Variants in ROR1 observed in about 807,000 individuals in gnomAD.
ROR1 encodes the protein inactive tyrosine-protein kinase transmembrane receptor ROR1.
A neutral mutation model predicts 78.8 loss-of-function variants in ROR1; 19 were observed. That is an observed-to-expected ratio of 0.24 (90% CI 0.17 to 0.35). ROR1 has a LOEUF of 0.35. Ranked by LOEUF, ROR1 falls within the 10% of genes least tolerant of loss-of-function variation. ROR1 has a pLI of 1.00. For missense variants in ROR1, 917 were observed against 1,177.8 expected (o/e 0.78, Z 3.24); for synonymous variants, 386 against 433.6 (o/e 0.89, Z 1.36).
intron 1 of ROR1, among the ~76,000 whole-genome samples, chr1:63,988,783 A>C (rs139507108): frequency 1.6e-4 from 25 of 152,354 alleles, no homozygotes; most frequent in African/African-American, 6.0e-4. Flanking sequence ...ATAATTGTCA[A>C]GATTCATCCA....
At chr1:63,787,652 GAGT>G (rs1174838694) in intron 1 of ROR1, among the ~76,000 whole-genome samples, 1 of 151,686 alleles carries the variant, frequency 6.6e-6, no homozygotes, top group Non-Finnish European at 1.5e-5. Flanking sequence ...TCAGCCTCCT[GAGT>G]AGCTGGAATT....
At chr1:63,953,891 G>T (rs978098536) in intron 1 of ROR1, among the ~76,000 whole-genome samples, 2 of 152,174 alleles carry the variant, frequency 1.3e-5, no homozygotes, top group African/African-American at 4.8e-5. Flanking sequence ...GGAACTAGAT[G>T]CCCAAACAAG....
chr1:63,946,374 CAGTTTTGTGTCTGCTT>C (rs1214290121), intron 1 of ROR1, among the ~76,000 whole-genome samples: 1 of 152,182 alleles, frequency 6.6e-6, no homozygotes, highest in South Asian at 2.1e-4. Context: ...TCTGTTTAAC[CAGTTTTGTGTCTGCTT>C]AATTTATGCT....
chr1:64,061,800 A>AT (rs1166265245), intron 4 of ROR1, among the ~76,000 whole-genome samples: 1 of 151,752 alleles, frequency 6.6e-6, no homozygotes, highest in Non-Finnish European at 1.5e-5. Context: ...GTCTTTTATG[A>AT]TTTTTTTTCT....
At chr1:63,834,474 G>A (rs559420625) in intron 1 of ROR1, among the ~76,000 whole-genome samples, 4 of 152,298 alleles carry the variant, frequency 2.6e-5, no homozygotes, top group Admixed American at 6.5e-5. Flanking sequence ...GAGGGGTACT[G>A]CTGTTTACAT....
intron 1 of ROR1, among the ~76,000 whole-genome samples, chr1:63,846,490 A>G (rs879884473): frequency 2.0e-5 from 3 of 152,146 alleles, no homozygotes; most frequent in Non-Finnish European, 4.4e-5. Context: ...CGTGTTGGCA[A>G]GTGGGCAGAT....
chr1:64,040,785 G>C (rs1242393073), intron 2 of ROR1, among the ~76,000 whole-genome samples: 1 of 152,104 alleles, frequency 6.6e-6, no homozygotes, highest in Non-Finnish European at 1.5e-5. Context: ...CACTTCCCAA[G>C]GCCCCACCTC....
At chr1:64,171,492 A>G (rs1193170411) in intron 8 of ROR1, among the ~76,000 whole-genome samples, 2 of 152,176 alleles carry the variant, frequency 1.3e-5, no homozygotes, top group Non-Finnish European at 2.9e-5. Context: ...GGCAAGCACA[A>G]ATGCCATGTG....
intron 1 of ROR1, among the ~76,000 whole-genome samples, chr1:63,972,273 C>T (rs1309404572): frequency 6.6e-6 from 1 of 152,164 alleles, no homozygotes; most frequent in Non-Finnish European, 1.5e-5. Flanking sequence ...GTAGCATTTT[C>T]ATCCTCACTT....
intron 4 of ROR1, chr1:64,106,043 G>A (rs906033905): frequency 2.6e-5 from 4 of 151,900 alleles, no homozygotes; most frequent in African/African-American, 4.8e-5. Flanking sequence ...TATAAATTAC[G>A]TTGGACAGTA....
At chr1:63,850,116 G>T (rs1052737640) in intron 1 of ROR1, among the ~76,000 whole-genome samples, 2 of 152,116 alleles carry the variant, frequency 1.3e-5, no homozygotes, top group Non-Finnish European at 2.9e-5. Context: ...TTAAAATTGT[G>T]TATAAATGGG....
chr1:63,943,619 C>T (rs559692852), intron 1 of ROR1, among the ~76,000 whole-genome samples: 1 of 152,332 alleles, frequency 6.6e-6, no homozygotes, highest in South Asian at 2.1e-4. Flanking sequence ...TCTGTCTCTG[C>T]AGGCTGGAGG....
chr1:64,089,905 C>T (rs1376227948), intron 4 of ROR1, among the ~76,000 whole-genome samples: 2 of 152,018 alleles, frequency 1.3e-5, no homozygotes, highest in Admixed American at 6.6e-5. Context: ...ATACTGTTCT[C>T]GTCATAATGA....
At chr1:63,937,612 G>A (rs1006650131) in intron 1 of ROR1, among the ~76,000 whole-genome samples, 6 of 152,180 alleles carry the variant, frequency 3.9e-5, no homozygotes, top group Non-Finnish European at 7.3e-5. Flanking sequence ...CTGGCTCAGA[G>A]AAGTGAGTGG....
intron 1 of ROR1, among the ~76,000 whole-genome samples, chr1:63,964,190 G>A (rs887284910): frequency 2.6e-5 from 4 of 152,166 alleles, no homozygotes; most frequent in Non-Finnish European, 5.9e-5. Flanking sequence ...AGCCACCTAA[G>A]TCTTCTGACA....
At chr1:63,832,579 T>G (rs1013717034) in intron 1 of ROR1, among the ~76,000 whole-genome samples, 3 of 152,214 alleles carry the variant, frequency 2.0e-5, no homozygotes, top group Non-Finnish European at 4.4e-5. Context: ...TCCCTGAACC[T>G]CTGTTTCCTT....
At chr1:63,988,251 T>C (rs1031185441) in intron 1 of ROR1, among the ~76,000 whole-genome samples, 1 of 152,210 alleles carries the variant, frequency 6.6e-6, no homozygotes, top group African/African-American at 2.4e-5. Context: ...AAAGGTAGTC[T>C]GTATTTTTAT....
At chr1:64,136,948 G>A (rs890030675) in intron 4 of ROR1, among the ~76,000 whole-genome samples, 4 of 152,014 alleles carry the variant, frequency 2.6e-5, no homozygotes, top group African/African-American at 7.3e-5. Context: ...CCTAATTGAC[G>A]TGTCAGTTGG....
At chr1:63,992,740 A>T (rs1646306112) in intron 1 of ROR1, among the ~76,000 whole-genome samples, 2 of 152,186 alleles carry the variant, frequency 1.3e-5, no homozygotes, top group African/African-American at 4.8e-5. Flanking sequence ...ATAATAACAC[A>T]TCAGCAAATG....
Sources: gnomAD v4.1 joint callset for allele counts (sites outside exome capture counted in the v4.1 genomes callset) on GRCh38, gnomAD v4.1.1 for gene constraint, MANE v1.5 for transcripts, NCBI Gene and HGNC (gene_info 2026-07-23, HGNC 2026-07-21) for gene names.